Variants in RCOR3 observed in about 807,000 individuals in gnomAD.
The protein encoded by RCOR3 is REST corepressor 3.
A neutral mutation model predicts 64.1 loss-of-function variants in RCOR3; 13 were observed. The observed-to-expected ratio is 0.20, with a 90% CI of 0.13 to 0.32. The LOEUF (loss-of-function observed/expected upper bound fraction) is 0.32, where lower values mean the gene tolerates loss of function less well. Ranked by LOEUF, RCOR3 falls within the 10% of genes least tolerant of loss-of-function variation. The pLI, the probability that RCOR3 is intolerant of heterozygous loss-of-function variation, is 1.00. For missense variants in RCOR3, 489 were observed against 701.2 expected (o/e 0.70, Z 3.42); for synonymous variants, 215 against 239.0 (o/e 0.90, Z 0.93).
intron 6 of RCOR3, among the ~76,000 whole-genome samples, chr1:211,278,679 T>C (rs1472810366): frequency 6.6e-6 from 1 of 152,204 alleles, no homozygotes; most frequent in Non-Finnish European, 1.5e-5. Flanking sequence ...GATATTTCTT[T>C]TTAAATCCCT....
chr1:211,304,742 A>G, intron 10 of RCOR3, among the ~76,000 whole-genome samples: 1 of 152,244 alleles, frequency 6.6e-6, no homozygotes, highest in East Asian at 1.9e-4. Context: ...TTGTTGAATT[A>G]TATGGTAGAA....
chr1:211,276,439 C>G (rs1256016567), intron 5 of RCOR3, 21 bp downstream of exon 5: 1 of 1,603,880 alleles, frequency 6.2e-7, no homozygotes, highest in Non-Finnish European at 8.5e-7. Flanking sequence ...TTTAATCTTA[C>G]TGTGGTTCAT....
intron 2 of RCOR3, among the ~76,000 whole-genome samples, chr1:211,268,400 ATGGAGT>A (rs1695588634): frequency 2.8e-5 from 2 of 71,332 alleles, no homozygotes; most frequent in Non-Finnish European, 5.2e-5. Flanking sequence ...TTTTTTTGAG[ATGGAGT>A]TTCGCTCTTG....
At chr1:211,305,456 G>A (rs752738457) in intron 10 of RCOR3, among the ~76,000 whole-genome samples, 3 of 152,084 alleles carry the variant, frequency 2.0e-5, no homozygotes, top group African/African-American at 2.4e-5. Flanking sequence ...TATTCCTTTA[G>A]AGCAATGGCC....
In RCOR3 at chr1:211,259,668, C is replaced by A; in HGVS notation, c.108C>A (p.Thr36=). Residue 36 remains threonine, a synonymous_variant, in exon 1 of 12, where the codon ACC becomes ACA. Coordinates refer to ENST00000419091, the MANE Select transcript of RCOR3 (RefSeq NM_001136223.3). Reference sequence around the variant, plus strand: ...GCGGCGGCAGCGGCGCCTCGTCCACCAACGGCGGGCTGCACTACTCAGAGC... The same window carrying A: ...GCGGCGGCAGCGGCGCCTCGTCCACAAACGGCGGGCTGCACTACTCAGAGC... ...AGGGGSGASS[T]NGGLHYSEPE... is the part of the protein sequence containing the mutation. The A allele has an allele frequency of 6.5e-7, 1 of 1,546,572 alleles. No individual in the cohort carries two copies. Among genetic ancestry groups the A allele is most frequent in the Non-Finnish European group, 8.7e-7 (1 of 1,145,106 alleles).
chr1:211,264,574 A>G (rs1694882029), intron 2 of RCOR3, among the ~76,000 whole-genome samples: 3 of 152,168 alleles, frequency 2.0e-5, no homozygotes, highest in African/African-American at 4.8e-5. Context: ...ACTTCCAGCT[A>G]CTTAGAAGAC....
intron 8 of RCOR3, among the ~76,000 whole-genome samples, chr1:211,289,963 C>T (rs1318503460): frequency 6.6e-6 from 1 of 152,158 alleles, no homozygotes; most frequent in Non-Finnish European, 1.5e-5. Flanking sequence ...CCTCAGTTTT[C>T]TCATCTGGAA....
At chr1:211,293,661 G>C (rs1410360103) in intron 8 of RCOR3, among the ~76,000 whole-genome samples, 1 of 152,058 alleles carries the variant, frequency 6.6e-6, no homozygotes, top group Non-Finnish European at 1.5e-5. Context: ...ATAGGTTTAT[G>C]TTTACTTATC....
In RCOR3 at chr1:211,271,299, A is replaced by G; in HGVS notation, c.291A>G (p.Pro97=). 2 of 1,613,074 alleles carry G rather than the reference A, an allele frequency of 1.2e-6. No homozygotes were observed. Among genetic ancestry groups the G allele is most frequent in the Non-Finnish European group, 1.7e-6 (2 of 1,179,302 alleles). Residue 97 remains proline, a synonymous_variant, in exon 3 of 12, where the codon CCA becomes CCG. Transcript: ENST00000419091. The part of the protein sequence containing the change: ...MLVWSPYHSI[P]DAKLDEYIAI... Reference sequence around the variant, plus strand: ...TATGGTCTCCATATCACAGTATCCCAGATGCCAAATGTAAGTTTTCTGAAG... The same window carrying G: ...TATGGTCTCCATATCACAGTATCCCGGATGCCAAATGTAAGTTTTCTGAAG...
intron 8 of RCOR3, among the ~76,000 whole-genome samples, chr1:211,293,444 A>G (rs76592690): frequency 0.028 from 4,290 of 152,256 alleles, 80 homozygotes; most frequent in South Asian, 0.073. Flanking sequence ...TGTCTTCCTA[A>G]GCGTTATTCT....
chr1:211,283,005 C>T (rs1022530069), intron 7 of RCOR3, among the ~76,000 whole-genome samples: 5 of 151,984 alleles, frequency 3.3e-5, no homozygotes, highest in East Asian at 3.9e-4. Context: ...ATTATTTTTG[C>T]GATTCATTTT....
chr1:211,303,236 G>A (rs1216696139), intron 9 of RCOR3: 1 of 151,626 alleles, frequency 6.6e-6, no homozygotes, highest in Non-Finnish European at 1.5e-5. Flanking sequence ...TTGGGTTTTT[G>A]TTTCATTCTT....
chr1:211,292,259 T>G (rs1699329347), intron 8 of RCOR3, among the ~76,000 whole-genome samples: 1 of 152,234 alleles, frequency 6.6e-6, no homozygotes, highest in Non-Finnish European at 1.5e-5. Context: ...AAGGCAGCTA[T>G]CCTCACCACT....
chr1:211,267,125 C>T (rs1240899827), intron 2 of RCOR3, among the ~76,000 whole-genome samples: 1 of 152,198 alleles, frequency 6.6e-6, no homozygotes, highest in Admixed American at 6.5e-5. Context: ...CCATATGCCA[C>T]GTACTTACAT....
intron 10 of RCOR3, among the ~76,000 whole-genome samples, chr1:211,309,924 A>G (rs1701316565): frequency 6.6e-6 from 1 of 152,172 alleles, no homozygotes; most frequent in Non-Finnish European, 1.5e-5. Context: ...GATGCTAGCA[A>G]CAGTATAGAG....
At chr1:211,275,762 T>A (rs1696871501) in intron 4 of RCOR3, among the ~76,000 whole-genome samples, 1 of 152,178 alleles carries the variant, frequency 6.6e-6, no homozygotes, top group African/African-American at 2.4e-5. Flanking sequence ...GCAGTGGAGG[T>A]ACTTTTACTT....
At chr1:211,263,115 A>G (rs1166860962) in intron 2 of RCOR3, among the ~76,000 whole-genome samples, 2 of 145,944 alleles carry the variant, frequency 1.4e-5, no homozygotes, top group African/African-American at 2.5e-5. Flanking sequence ...GAGTGAGAAC[A>G]TGCGGTGTTT....
In RCOR3 at chr1:211,312,287, T is replaced by C. The variant is rs965072908; in HGVS notation, c.1076-433T>C. 6.7e-6 allele frequency: 3 copies of C among 450,288 alleles called. No homozygotes were observed. The highest frequency in any genetic ancestry group is 2.0e-5 in the African/African-American group (1 of 50,058). 27.9% of individuals were successfully genotyped at this position (450,288 alleles called of 1,614,324 possible). A position where few individuals can be genotyped will look rare whatever the true frequency, so the allele number is the denominator to read the frequency against. On this transcript the variant is annotated intron_variant, in intron 10 of 11. Coordinates refer to ENST00000419091, the MANE Select transcript of RCOR3 (RefSeq NM_001136223.3). This position sits in a 1 kb window ranked among gnomAD's most constrained non-coding sequence, Gnocchi z 5.0. ...ACCCTAAGGCTACTCACTCAGTCCATTGAGGGGATAAGAGAGATGGCTCAT... is the reference window on the plus strand; with the variant it reads ...ACCCTAAGGCTACTCACTCAGTCCACTGAGGGGATAAGAGAGATGGCTCAT...
rs1024528694 is a variant in RCOR3, at chr1:211,312,540, A to G, written c.1076-180A>G. 21 of 654,920 alleles carry G rather than the reference A, an allele frequency of 3.2e-5. No homozygotes were observed. Among genetic ancestry groups the G allele is most frequent in the African/African-American group, 1.3e-4 (7 of 55,730 alleles). The allele number at this position is 654,920 out of a possible 1,614,324, so 40.6% of individuals were successfully genotyped here. Reference sequence around the variant, plus strand: ...CAAGTGGCTGGCTCGATGAAATGACATAACTGATAGTTTTCATCTGTGACC... The same window carrying G: ...CAAGTGGCTGGCTCGATGAAATGACGTAACTGATAGTTTTCATCTGTGACC... On this transcript the variant is annotated intron_variant, in intron 10 of 11. Coordinates refer to ENST00000419091, the MANE Select transcript of RCOR3 (RefSeq NM_001136223.3). The surrounding 1 kb of genome is among the most constrained non-coding windows in gnomAD (Gnocchi z 5.0).
Sources: gnomAD v4.1 joint callset for allele counts (sites outside exome capture counted in the v4.1 genomes callset) on GRCh38, gnomAD v4.1.1 for gene constraint, Gnocchi (gnomAD v3.1) non-coding constraint, MANE v1.5 for transcripts, NCBI Gene and HGNC (gene_info 2026-07-23, HGNC 2026-07-21) for gene names.